ZNF385D: variants seen among roughly 807,000 people sequenced by gnomAD.
ZNF385D encodes the protein zinc finger protein 385D.
A neutral mutation model predicts 35.8 loss-of-function variants in ZNF385D; 15 were observed. The observed-to-expected ratio is 0.42, with a 90% confidence interval of 0.28 to 0.64. ZNF385D has a LOEUF of 0.64. ZNF385D is among the 30% of genes least tolerant of loss of function. ZNF385D has a pLI of 0.23. For synonymous variants in ZNF385D, 212 were observed against 186.8 expected (o/e 1.13, Z -1.10); for missense variants, 474 against 494.6 (o/e 0.96, Z 0.39).
intron 2 of ZNF385D, among the ~76,000 whole-genome samples, chr3:22,276,961 C>T (rs1701461611): frequency 6.6e-6 from 1 of 151,968 alleles, no homozygotes; most frequent in Admixed American, 6.6e-5. Flanking sequence ...TCACTTAAGA[C>T]TTTATTTTAC....
chr3:21,826,393 A>C (rs138991859), intron 3 of ZNF385D, among the ~76,000 whole-genome samples: 1 of 152,176 alleles, frequency 6.6e-6, no homozygotes, highest in Non-Finnish European at 1.5e-5. Flanking sequence ...GTAGCTGAAC[A>C]GCCCTTATTT....
chr3:22,258,141 G>C (rs925173427), intron 2 of ZNF385D, among the ~76,000 whole-genome samples: 2 of 151,656 alleles, frequency 1.3e-5, no homozygotes, highest in East Asian at 3.9e-4. Flanking sequence ...TTTATAAATA[G>C]AACAGATTCC....
chr3:22,295,404 G>T (rs1702517566), intron 2 of ZNF385D, among the ~76,000 whole-genome samples: 1 of 152,050 alleles, frequency 6.6e-6, no homozygotes, highest in African/African-American at 2.4e-5. Context: ...GCCTCCAAAG[G>T]CTGTGATCTG....
chr3:21,641,632 C>CT (rs144071100), intron 2 of ZNF385D, among the ~76,000 whole-genome samples: 29,750 of 104,624 alleles, frequency 0.28, 4,742 homozygotes, highest in South Asian at 0.35. Flanking sequence ...AACAAGTCAG[C>CT]TTTTTTTTTT....
At chr3:21,779,043 C>G (rs2071396910) in intron 3 of ZNF385D, among the ~76,000 whole-genome samples, 1 of 151,952 alleles carries the variant, frequency 6.6e-6, no homozygotes, top group Non-Finnish European at 1.5e-5. Context: ...AAGTGGTTAT[C>G]TGGTGGCTGA....
At chr3:21,789,124 G>C (rs1324346281) in intron 3 of ZNF385D, among the ~76,000 whole-genome samples, 1 of 152,108 alleles carries the variant, frequency 6.6e-6, no homozygotes, top group African/African-American at 2.4e-5. Flanking sequence ...AGTAATTGTA[G>C]GCCATTACTT....
rs544272490 is a variant in ZNF385D at position 22,005,774 on chromosome 3, G to C, written c.325+163043C>G. On this transcript the variant is annotated intron_variant, in intron 3 of 5. Coordinates refer to the ZNF385D transcript ENST00000494108. Reference sequence around the variant, plus strand: ...ACACAACCTTTAGAACCCTAAGTGTGAAATACTAAGTGATATTATTTTACT... The same window carrying C: ...ACACAACCTTTAGAACCCTAAGTGTCAAATACTAAGTGATATTATTTTACT... Among the ~76,000 whole-genome samples, 111 of 152,044 alleles carry C rather than the reference G, an allele frequency of 7.3e-4. 1 individual carries two copies. The highest frequency in any genetic ancestry group is 2.1e-4 in the Non-Finnish European group (14 of 67,944).
chr3:22,308,766 T>C (rs1248353138), intron 2 of ZNF385D, among the ~76,000 whole-genome samples: 1 of 152,062 alleles, frequency 6.6e-6, no homozygotes, highest in African/African-American at 2.4e-5. Context: ...AAAGTGGAGA[T>C]TTTAAACAAT....
intron 3 of ZNF385D, among the ~76,000 whole-genome samples, chr3:21,771,239 T>C (rs957189393): frequency 1.3e-5 from 2 of 149,902 alleles, no homozygotes; most frequent in Non-Finnish European, 3.0e-5. Flanking sequence ...TAAAGTATAA[T>C]AATAAAAAAA....
intron 3 of ZNF385D, among the ~76,000 whole-genome samples, chr3:21,834,540 T>G (rs148113915): frequency 6.6e-6 from 1 of 152,200 alleles, no homozygotes; most frequent in Non-Finnish European, 1.5e-5. Flanking sequence ...ATGGTTATCA[T>G]TGACCTGTTG....
chr3:22,372,228 T>G (rs780958097), intron 2 of ZNF385D, among the ~76,000 whole-genome samples: 8 of 151,852 alleles, frequency 5.3e-5, no homozygotes, highest in Non-Finnish European at 1.0e-4. Flanking sequence ...ACATCTCTTC[T>G]CCTTGGCACC....
intron 2 of ZNF385D, among the ~76,000 whole-genome samples, chr3:22,302,310 A>G (rs554383954): frequency 2.6e-5 from 4 of 151,876 alleles, no homozygotes; most frequent in Admixed American, 2.0e-4. Flanking sequence ...TTTTATTTCC[A>G]ATTTCTGTGT....
intron 3 of ZNF385D, among the ~76,000 whole-genome samples, chr3:21,809,132 G>C (rs1315667307): frequency 6.6e-6 from 1 of 151,968 alleles, no homozygotes; most frequent in Non-Finnish European, 1.5e-5. Context: ...AACACACAAA[G>C]TACCAAGATG....
intron 3 of ZNF385D, among the ~76,000 whole-genome samples, chr3:21,990,854 G>A (rs1483947226): frequency 6.6e-6 from 1 of 152,142 alleles, no homozygotes; most frequent in Admixed American, 6.5e-5. Flanking sequence ...TTTGAAAACA[G>A]AATGCTACAT....
Position 21,455,217 on chromosome 3 carries a change from T to C in ZNF385D, c.440-18014A>G, listed in dbSNP as rs764920925. ...ATCAAGCTACAAATGACTTTCTTCATAGAATTGGAAAAAACTATTGTAAAG... is the reference window on the plus strand; with the variant it reads ...ATCAAGCTACAAATGACTTTCTTCACAGAATTGGAAAAAACTATTGTAAAG... On this transcript the variant is annotated intron_variant, in intron 4 of 7. Transcript: ENST00000281523. 4.7e-4 allele frequency among the ~76,000 whole-genome samples: 72 copies of C among 152,234 alleles called. 1 individual carries two copies. In the South Asian group the frequency reaches 0.012, roughly 26 times the overall value.
At chr3:22,037,969 A>C (rs887687823) in intron 3 of ZNF385D, among the ~76,000 whole-genome samples, 3 of 152,130 alleles carry the variant, frequency 2.0e-5, no homozygotes, top group Non-Finnish European at 4.4e-5. Flanking sequence ...CAAAAACAAG[A>C]AATGGGGAAA....
chr3:22,119,047 A>T (rs1702950846), intron 3 of ZNF385D, among the ~76,000 whole-genome samples: 2 of 152,130 alleles, frequency 1.3e-5, no homozygotes, highest in South Asian at 2.1e-4. Flanking sequence ...TTGAATATTA[A>T]TTATCTTAAA....
At chr3:21,711,292 C>A (rs34172640) in intron 1 of ZNF385D, among the ~76,000 whole-genome samples, 137 of 152,106 alleles carry the variant, frequency 9.0e-4, no homozygotes, top group South Asian at 8.7e-3. Context: ...CCACCCGCCT[C>A]GGCCTCCCAA....
At chr3:21,507,910 A>G (rs1706900371) in intron 4 of ZNF385D, among the ~76,000 whole-genome samples, 1 of 152,334 alleles carries the variant, frequency 6.6e-6, no homozygotes, top group East Asian at 1.9e-4. Flanking sequence ...TCTCATAGAG[A>G]GTTTTGTGTA....
Sources: gnomAD v4.1 joint callset for allele counts (sites outside exome capture counted in the v4.1 genomes callset) on GRCh38, gnomAD v4.1.1 for gene constraint, MANE v1.5 for transcripts, NCBI Gene and HGNC (gene_info 2026-07-23, HGNC 2026-07-21) for gene names.